MGAT1: variants seen among roughly 807,000 people sequenced by gnomAD.
MGAT1 encodes the protein N-glycosyl-oligosaccharide-glycoprotein N-acetylglucosaminyltransferase I.
In MGAT1, 14 loss-of-function variants were observed where a neutral mutation model predicts 31.7. The ratio of observed to expected loss-of-function variants is 0.44; its 90% CI spans 0.29 to 0.69. The LOEUF (loss-of-function observed/expected upper bound fraction) is 0.69, where lower values mean the gene tolerates loss of function less well. Among genes scored for constraint, MGAT1 ranks in the 30% least tolerant of loss-of-function variants. The pLI is 0.12. For synonymous variants in MGAT1, 338 were observed against 276.0 expected, an observed-to-expected ratio of 1.22 and a Z score of -2.23; for missense variants, 557 against 626.0, an observed-to-expected ratio of 0.89 and a Z score of 1.18.
At position 180,787,781 on chromosome 5, in the gene MGAT1, G is replaced by C. The variant is rs894385777; in HGVS notation, c.*3853C>G. On this transcript the variant is annotated 3_prime_UTR_variant, in exon 2 of 2. Transcript: ENST00000307826. ...CCCTCAGCCTTGGCAGGCTTCTCAT[G>C]CAGGGCCCAGTGAAGGCTCAGGAGG... The C allele has an allele frequency of 6.6e-6, 1 of 152,268 alleles. No individual in the cohort carries two copies. Among genetic ancestry groups the C allele is most frequent in the African/African-American group, 2.4e-5 (1 of 41,444 alleles). The allele number at this position is 152,268 out of a possible 1,614,324, so 9.4% of individuals were successfully genotyped here. A position where few individuals can be genotyped will look rare whatever the true frequency, so the allele number is the denominator to read the frequency against.
At chr5:180,799,305 G>T (rs1024812290) in intron 1 of MGAT1, among the ~76,000 whole-genome samples, 5 of 152,072 alleles carry the variant, frequency 3.3e-5, no homozygotes, top group African/African-American at 1.2e-4. Flanking sequence ...TTTTTCCCCA[G>T]TAAGCATATA....
chr5:180,792,897 G>A lies in MGAT1; in HGVS notation c.75C>T (p.Leu25=), dbSNP rs746023209. 2.5e-6 allele frequency: 4 copies of A among 1,608,300 alleles called. No individual in the cohort carries two copies. Among genetic ancestry groups the A allele is most frequent in the Non-Finnish European group, 2.5e-6 (3 of 1,177,824 alleles). ...GTGCTGGGCGCGTCCAGAAGAAGAG[G>A]AGCAGCAGGGCATTCCAGGCCACAA... ...ILFVAWNALL[L]LFFWTRPAPG... Residue 25 remains leucine, a synonymous_variant, in exon 2 of 2, where the codon CTC becomes CTT. Transcript: ENST00000307826.
At chr5:180,810,195 C>A (rs1394088358) in intron 1 of MGAT1, 1 of 148,844 alleles carries the variant, frequency 6.7e-6, no homozygotes, top group African/African-American at 2.5e-5. Context: ...CTCCCACCAT[C>A]CACCGCAGCC....
In MGAT1 at chr5:180,791,542, G is replaced by A. The variant is rs943367957; in HGVS notation, c.*92C>T. 9 of 1,458,630 alleles carry A rather than the reference G, an allele frequency of 6.2e-6. No homozygotes were observed. The highest frequency in any genetic ancestry group is 2.2e-5 in the Admixed American group (1 of 45,622). 90.4% of individuals were successfully genotyped at this position (1,458,630 alleles called of 1,614,324 possible). ...TCAAAAAGATAAATGCACCTAAGAG[G>A]GAAACACAGGCAGGCCGATGCAGCC... On this transcript the variant is annotated 3_prime_UTR_variant, in exon 2 of 2. Transcript: ENST00000307826.
chr5:180,787,457 TG>T lies in MGAT1; in HGVS notation c.*4176del, dbSNP rs907111949. On this transcript the variant is annotated 3_prime_UTR_variant, in exon 2 of 2. Coordinates refer to ENST00000307826, the MANE Select transcript of MGAT1 (RefSeq NM_002406.4). The stretch of plus-strand genomic sequence containing the variant: ...CAAGCTTCTGTTCTATACATTTGTA[TG>T]TTATTTAAAGTTACACAGCCAGACA... The T allele has an allele frequency of 6.6e-6, 1 of 152,258 alleles. No homozygotes were observed. The allele number at this position is 152,258 out of a possible 1,614,324, so 9.4% of individuals were successfully genotyped here. A position where few individuals can be genotyped will look rare whatever the true frequency, so the allele number is the denominator to read the frequency against.
upstream of MGAT1, among the ~76,000 whole-genome samples, chr5:180,807,782 A>G (rs1581916019): frequency 6.6e-6 from 1 of 152,248 alleles, no homozygotes; most frequent in Non-Finnish European, 1.5e-5. Flanking sequence ...TACCAACAAG[A>G]TGATGAAACA....
In MGAT1 at chr5:180,802,725, C is replaced by T. The variant is rs1771127226; in HGVS notation, c.-172G>A. The T allele has an allele frequency of 6.6e-6, 1 of 152,204 alleles. No individual in the cohort carries two copies. The highest frequency in any genetic ancestry group is 2.4e-5 in the African/African-American group (1 of 41,454). 9.4% of individuals were successfully genotyped at this position (152,204 alleles called of 1,614,324 possible). A position where few individuals can be genotyped will look rare whatever the true frequency, so the allele number is the denominator to read the frequency against. ...GCCCCGAACTTGGCCTGCTCCGGGG[C>T]GCAGGGAGCGAGCCCGGTGCCCAGG... is the stretch of plus-strand genomic sequence containing the variant. On this transcript the variant is annotated 5_prime_UTR_variant, in exon 1 of 2. Coordinates refer to ENST00000307826, the MANE Select transcript of MGAT1 (RefSeq NM_002406.4).
chr5:180,791,614 C>A lies in MGAT1; in HGVS notation c.*20G>T, dbSNP rs761099087. The A allele has an allele frequency of 1.9e-6, 3 of 1,608,746 alleles. No homozygotes were observed. The highest frequency in any genetic ancestry group is 2.5e-6 in the Non-Finnish European group (3 of 1,177,304). Reference sequence around the variant, plus strand: ...AGCTCATGATGTGGCAAGGAGGGGCCCAGGAAGGACAGGCAGGTGCTAATT... The same window carrying A: ...AGCTCATGATGTGGCAAGGAGGGGCACAGGAAGGACAGGCAGGTGCTAATT... On this transcript the variant is annotated 3_prime_UTR_variant, in exon 2 of 2. Transcript: ENST00000307826.
At position 180,802,802 on chromosome 5, in the gene MGAT1, T is replaced by C. The variant is rs1771154192; in HGVS notation, c.-249A>G. The C allele has an allele frequency of 6.6e-6, 1 of 151,674 alleles. No homozygotes were observed. The highest frequency in any genetic ancestry group is 1.5e-5 in the Non-Finnish European group (1 of 67,904). 9.4% of individuals were successfully genotyped at this position (151,674 alleles called of 1,614,324 possible). On this transcript the variant is annotated 5_prime_UTR_variant, in exon 1 of 2. Transcript: ENST00000307826. ...CTCGCCTTTCGACTCGCCAGCCCTT[T>C]CTGCGGCGCGCCGGGGCCGGACGGC...
At chr5:180,813,712 T>C (rs190981917) in intron 1 of MGAT1, among the ~76,000 whole-genome samples, 40 of 152,304 alleles carry the variant, frequency 2.6e-4, no homozygotes, top group Admixed American at 1.8e-3. Context: ...AACATGGTTG[T>C]CGGGCTCTTT....
chr5:180,791,641 C>T lies in MGAT1; in HGVS notation c.1331G>A (p.Trp444Ter), dbSNP rs1361319277. 1.9e-6 allele frequency: 3 copies of T among 1,612,984 alleles called. No individual in the cohort carries two copies. Among genetic ancestry groups the T allele is most frequent in the Non-Finnish European group, 2.5e-6 (3 of 1,179,776 alleles). Residue 444 changes from tryptophan (W) to a stop codon, truncating the protein, a stop_gained, in exon 2 of 2, where the codon TGG (tryptophan) becomes TAG (stop). Transcript: ENST00000307826. LOFTEE classifies it high-confidence loss of function. The part of the protein sequence containing the change: ...PLTWEGYDPS[W>*]N ...AGGAAGGACAGGCAGGTGCTAATTC[C>T]AGCTAGGATCATAGCCCTCCCACGT...
Position 180,792,345 on chromosome 5 carries a change from C to T in MGAT1, c.627G>A (p.Glu209=), listed in dbSNP as rs370682765. ...AGTCCGGGGCCACCTCCAGGTCATC[C>T]TCCACCACCACGGCCGCGGGGAAGC... is the stretch of plus-strand genomic sequence containing the variant. ...QFRFPAAVVV[E]DDLEVAPDFF... The change falls in exon 2 of 2, where the codon GAG becomes GAA. Residue 209 remains glutamate (E), a synonymous_variant. Transcript: ENST00000307826. 3.1e-4 allele frequency: 499 copies of T among 1,611,256 alleles called. No homozygotes were observed. The highest frequency in any genetic ancestry group is 3.9e-4 in the Non-Finnish European group (463 of 1,178,540).
Position 180,784,936 on chromosome 5 carries a change from T to C in MGAT1, c.*6698A>G, listed in dbSNP as rs180955639. 17 of 152,396 alleles carry C rather than the reference T, an allele frequency of 1.1e-4. No homozygotes were observed. Among genetic ancestry groups the C allele is most frequent in the Admixed American group, 7.2e-4 (11 of 15,308 alleles). 9.4% of individuals were successfully genotyped at this position (152,396 alleles called of 1,614,324 possible). On this transcript the variant is annotated 3_prime_UTR_variant, in exon 2 of 2. Coordinates refer to ENST00000307826, the MANE Select transcript of MGAT1 (RefSeq NM_002406.4). ...GTACAGAAAATTATACGGTATATAT[T>C]TGCCGTGTGGCAAAATATTCCTCGT...
intron 1 of MGAT1, among the ~76,000 whole-genome samples, chr5:180,794,284 C>T (rs914836645): frequency 2.7e-5 from 4 of 150,782 alleles, no homozygotes; most frequent in Admixed American, 2.6e-4. Flanking sequence ...CCCAGCTACT[C>T]AGGAGGCTGA....
Position 180,789,475 on chromosome 5 carries a change from G to A in MGAT1, c.*2159C>T, listed in dbSNP as rs1341614256. 1.3e-5 allele frequency: 2 copies of A among 152,140 alleles called. No homozygotes were observed. The highest frequency in any genetic ancestry group is 4.8e-5 in the African/African-American group (2 of 41,396). 9.4% of individuals were successfully genotyped at this position (152,140 alleles called of 1,614,324 possible). A position where few individuals can be genotyped will look rare whatever the true frequency, so the allele number is the denominator to read the frequency against. On this transcript the variant is annotated 3_prime_UTR_variant, in exon 2 of 2. Coordinates refer to ENST00000307826, the MANE Select transcript of MGAT1 (RefSeq NM_002406.4). ...TTTTTGTATTTTTAGTAGAGATGGG[G>A]TTTCACCATGTTAGCCAGGCTGGTC... is the stretch of plus-strand genomic sequence containing the variant.
Position 180,792,115 on chromosome 5 carries a change from G to C in MGAT1, c.857C>G (p.Ala286Gly), listed in dbSNP as rs1768256571. 1.2e-6 allele frequency: 2 copies of C among 1,613,282 alleles called. No homozygotes were observed. The highest frequency in any genetic ancestry group is 4.5e-5 in the East Asian group (2 of 44,876). Reference protein sequence around the residue: ...WAELEPKWPKAFWDDWMRRPE... With the variant: ...WAELEPKWPKGFWDDWMRRPE... Reference sequence around the variant, plus strand: ...CCGCCGCATCCAGTCGTCCCAGAAGGCCTTTGGCCACTTGGGCTCCAGCTC... The same window carrying C: ...CCGCCGCATCCAGTCGTCCCAGAAGCCCTTTGGCCACTTGGGCTCCAGCTC... Residue 286 changes from alanine (A) to glycine (G), a missense_variant, in exon 2 of 2, where the codon GCC (alanine) becomes GGC (glycine). Physicochemically the swap from Ala to Gly is moderately conservative, Grantham distance 60 (BLOSUM62 0). Coordinates refer to ENST00000307826, the MANE Select transcript of MGAT1 (RefSeq NM_002406.4).
intron 1 of MGAT1, 95 bp from the exon 2 acceptor site, chr5:180,793,192 T>A (rs112775197): frequency 1.7e-6 from 1 of 605,806 alleles, no homozygotes; most frequent in Non-Finnish European, 2.9e-6. Flanking sequence ...AGGCCAAGAG[T>A]GAGGGTGGAG....
rs1424077476 is a variant in MGAT1, at chr5:180,788,847, C to T, written c.*2787G>A. The T allele has an allele frequency of 1.3e-5, 2 of 152,490 alleles. No individual in the cohort carries two copies. Among genetic ancestry groups the T allele is most frequent in the African/African-American group, 4.8e-5 (2 of 41,546 alleles). 9.4% of individuals were successfully genotyped at this position (152,490 alleles called of 1,614,324 possible). On this transcript the variant is annotated 3_prime_UTR_variant, in exon 2 of 2. Coordinates refer to ENST00000307826, the MANE Select transcript of MGAT1 (RefSeq NM_002406.4). ...CTTATCCTGGAGCACTAAGTTGGTA[C>T]TTATCCTGGAGCACTAAGTAAGTTG...
intron 1 of MGAT1, among the ~76,000 whole-genome samples, chr5:180,811,986 T>C (rs1314058475): frequency 1.3e-5 from 2 of 152,230 alleles, no homozygotes; most frequent in African/African-American, 4.8e-5. Flanking sequence ...CCAACCTGTT[T>C]AAACCTGCCC....
Sources: allele counts gnomAD v4.1 joint callset (sites outside exome capture counted in the v4.1 genomes callset), GRCh38; gene constraint gnomAD v4.1.1; transcripts MANE v1.5; gene names NCBI Gene and HGNC (gene_info 2026-07-23, HGNC 2026-07-21).